AQP1: variants seen among roughly 807,000 people sequenced by gnomAD.
The protein encoded by AQP1 is aquaporin-1.
A neutral mutation model predicts 19.7 loss-of-function variants in AQP1; 11 were observed. The ratio of observed to expected loss-of-function variants is 0.56; its 90% CI spans 0.35 to 0.92. The LOEUF (loss-of-function observed/expected upper bound fraction) is 0.92. Ranked by LOEUF, AQP1 falls within the 40% of genes least tolerant of loss-of-function variation. The pLI is 0.01. For synonymous variants in AQP1, 159 were observed against 166.7 expected, an observed-to-expected ratio of 0.95 and a Z score of 0.36; for missense variants, 320 against 369.7, an observed-to-expected ratio of 0.87 and a Z score of 1.10.
chr7:30,912,107 T>C lies in AQP1; in HGVS notation c.198T>C (p.Ser66=), dbSNP rs1464189700. Residue 66 remains serine (S), a synonymous_variant, in exon 1 of 4, where the codon AGT becomes AGC. Coordinates refer to ENST00000311813, the MANE Select transcript of AQP1 (RefSeq NM_198098.4). The surrounding 1 kb of genome is among the most constrained non-coding windows in gnomAD (Gnocchi z 4.3). ...TGAGCATCGCCACGCTGGCGCAGAG[T>C]GTGGGCCACATCAGCGGCGCCCACC... ...FGLSIATLAQ[S]VGHISGAHLN... 6.2e-7 allele frequency: 1 copy of C among 1,613,126 alleles called. No individual in the cohort carries two copies. The highest frequency in any genetic ancestry group is 2.2e-5 in the East Asian group (1 of 44,848).
intron 1 of AQP1, chr7:30,921,179 A>G: frequency 9.1e-6 from 7 of 769,656 alleles, no homozygotes; most frequent in South Asian, 5.4e-5. Context: ...GACGGCCACA[A>G]AGCATAGTGG....
chr7:30,918,214 G>A (rs1050382984), intron 1 of AQP1, among the ~76,000 whole-genome samples: 9 of 152,096 alleles, frequency 5.9e-5, no homozygotes, highest in African/African-American at 1.4e-4. Context: ...GGATGGTCTC[G>A]ATCTCCTGAC....
intron 1 of AQP1, among the ~76,000 whole-genome samples, chr7:30,920,921 G>C (rs547832147): frequency 4.7e-4 from 71 of 152,328 alleles, no homozygotes; most frequent in African/African-American, 1.7e-3. Flanking sequence ...ATGGCCTCAG[G>C]GTGGGGCTGG....
Position 30,922,357 on chromosome 7 carries a change from A to G in AQP1, c.549+127A>G, listed in dbSNP as rs1462957541. ...GCCATTGGGTGGAGGATGGCGGGTC[A>G]GCGCTGGGGGCTGGGGGCAGGGTCC... On this transcript the variant is annotated intron_variant, in intron 2 of 3. Transcript: ENST00000311813. 3.5e-6 allele frequency: 5 copies of G among 1,424,198 alleles called. No homozygotes were observed. The East Asian group carries it at 1.2e-4, about 35-fold the overall frequency. 88.2% of individuals were successfully genotyped at this position (1,424,198 alleles called of 1,614,324 possible).
In AQP1 at chr7:30,912,174, A is replaced by T; in HGVS notation, c.265A>T (p.Ile89Phe). 6.2e-7 allele frequency: 1 copy of T among 1,612,840 alleles called. No homozygotes were observed. The change falls in exon 1 of 4, where the codon ATC (isoleucine) becomes TTC (phenylalanine). Residue 89 changes from isoleucine (I) to phenylalanine (F), a missense_variant. Ile to Phe is a conservative substitution (Grantham distance 21, BLOSUM62 0). Coordinates refer to ENST00000311813, the MANE Select transcript of AQP1 (RefSeq NM_198098.4). This position sits in a 1 kb window ranked among gnomAD's most constrained non-coding sequence, Gnocchi z 4.3. ...VTLGLLLSCQ[I>F]SIFRALMYII... ...ACTGGGGCTGCTGCTCAGCTGCCAGATCAGCATCTTCCGTGCCCTCATGTA... is the reference window on the plus strand; with the variant it reads ...ACTGGGGCTGCTGCTCAGCTGCCAGTTCAGCATCTTCCGTGCCCTCATGTA...
chr7:30,916,430 T>C (rs1307299633), intron 1 of AQP1, among the ~76,000 whole-genome samples: 1 of 152,264 alleles, frequency 6.6e-6, no homozygotes, highest in Non-Finnish European at 1.5e-5. Flanking sequence ...TGGAGTCTCC[T>C]GAGTGGCTGG....
intron 1 of AQP1, chr7:30,913,479 G>A (rs931668076): frequency 6.6e-6 from 1 of 152,530 alleles, no homozygotes; most frequent in African/African-American, 2.4e-5. Flanking sequence ...AGGCTGGCGG[G>A]GCTGTGGGCA....
At chr7:30,920,486 T>C (rs1264532342) in intron 1 of AQP1, among the ~76,000 whole-genome samples, 1 of 152,148 alleles carries the variant, frequency 6.6e-6, no homozygotes. Flanking sequence ...GCACACACAA[T>C]GAGAAGAACC....
chr7:30,922,714 G>A, intron 3 of AQP1, 70 bp downstream of exon 3: 1 of 1,444,448 alleles, frequency 6.9e-7, no homozygotes, highest in African/African-American at 1.4e-5. Context: ...CACCCTCACA[G>A]TGTCCCTTCC....
intron 2 of AQP1, 57 bp from the exon 3 acceptor site, chr7:30,922,507 C>A: frequency 6.6e-7 from 1 of 1,523,478 alleles, no homozygotes; most frequent in South Asian, 1.1e-5. Context: ...TCCTCTCACT[C>A]TCTCTTCACC....
rs1181396501 is a variant in AQP1, at chr7:30,924,460, G to A, written c.*831G>A. On this transcript the variant is annotated 3_prime_UTR_variant, in exon 4 of 4. Transcript: ENST00000311813. The stretch of plus-strand genomic sequence containing the variant: ...GGAACTTTCTGTTCCCTATGGAGAG[G>A]CTTCCCTACACAGGGCCTGCTATTG... 6.5e-6 allele frequency: 1 copy of A among 152,852 alleles called. No individual in the cohort carries two copies. Among genetic ancestry groups the A allele is most frequent in the Non-Finnish European group, 1.5e-5 (1 of 68,544 alleles). The allele number at this position is 152,852 out of a possible 1,614,324, so 9.5% of individuals were successfully genotyped here. A position where few individuals can be genotyped will look rare whatever the true frequency, so the allele number is the denominator to read the frequency against.
At position 30,923,682 on chromosome 7, in the gene AQP1, G is replaced by A; in HGVS notation, c.*53G>A. 6.8e-7 allele frequency: 1 copy of A among 1,479,996 alleles called. No individual in the cohort carries two copies. The highest frequency in any genetic ancestry group is 8.9e-7 in the Non-Finnish European group (1 of 1,126,726). 91.7% of individuals were successfully genotyped at this position (1,479,996 alleles called of 1,614,324 possible). On this transcript the variant is annotated 3_prime_UTR_variant, in exon 4 of 4. Transcript: ENST00000311813. The surrounding 1 kb of genome is among the most constrained non-coding windows in gnomAD (Gnocchi z 4.8). Reference sequence around the variant, plus strand: ...GGGGGCAGGGGCAGGGGCGGGCGGAGGGAGGGGAGGGGTGAAATCCATACT... The same window carrying A: ...GGGGGCAGGGGCAGGGGCGGGCGGAAGGAGGGGAGGGGTGAAATCCATACT...
rs528591279 is a variant in AQP1 at position 30,916,803 on chromosome 7, C to T, written c.384+4510C>T. Among the ~76,000 whole-genome samples the T allele has an allele frequency of 3.9e-5, 6 of 152,216 alleles. No homozygotes were observed. The East Asian group carries it at 1.2e-3, about 29-fold the overall frequency. On this transcript the variant is annotated intron_variant, in intron 1 of 3. Coordinates refer to ENST00000311813, the MANE Select transcript of AQP1 (RefSeq NM_198098.4). ...GTTGTTGTTGATATTGTTGTTGACA[C>T]GAAGAAGGGGCTGTCTCTAAGTCAA...
chr7:30,916,428 C>T (rs1791356224), intron 1 of AQP1, among the ~76,000 whole-genome samples: 1 of 152,268 alleles, frequency 6.6e-6, no homozygotes, highest in Non-Finnish European at 1.5e-5. Context: ...TCTGGAGTCT[C>T]CTGAGTGGCT....
In AQP1 at chr7:30,923,881, G is replaced by A. The variant is rs895274159; in HGVS notation, c.*252G>A. 2.0e-6 allele frequency: 3 copies of A among 1,494,310 alleles called. No homozygotes were observed. The highest frequency in any genetic ancestry group is 2.8e-5 in the African/African-American group (2 of 72,496). The allele number at this position is 1,494,310 out of a possible 1,614,324, so 92.6% of individuals were successfully genotyped here. A position where few individuals can be genotyped will look rare whatever the true frequency, so the allele number is the denominator to read the frequency against. ...CACCCACTCCCTTGAAGTTGTGGAG[G>A]AGGTGAAAGAAAGGGACCCACCTGC... On this transcript the variant is annotated 3_prime_UTR_variant, in exon 4 of 4. Coordinates refer to ENST00000311813, the MANE Select transcript of AQP1 (RefSeq NM_198098.4). The surrounding 1 kb of genome is among the most constrained non-coding windows in gnomAD (Gnocchi z 4.8).
Position 30,923,433 on chromosome 7 carries a change from A to G in AQP1, c.631-17A>G. ...CTTTTGAGTGGAGCCCTCTGAACAC[A>G]CCTGCTCTGTTCCTAGATTTTCTGG... is the stretch of plus-strand genomic sequence containing the variant. On this transcript the variant is annotated splice_polypyrimidine_tract_variant and intron_variant, in intron 3 of 3. Transcript: ENST00000311813. This position sits in a 1 kb window ranked among gnomAD's most constrained non-coding sequence, Gnocchi z 4.8. 6.2e-7 allele frequency: 1 copy of G among 1,613,176 alleles called. No individual in the cohort carries two copies.
chr7:30,924,006 G>T lies in AQP1; in HGVS notation c.*377G>T, dbSNP rs775692647. On this transcript the variant is annotated 3_prime_UTR_variant, in exon 4 of 4. Coordinates refer to ENST00000311813, the MANE Select transcript of AQP1 (RefSeq NM_198098.4). Reference sequence around the variant, plus strand: ...CTGCGCAAGTGCCTGGGATTCTACCGTAATTGCTTTGTGCCTTTGGGCACG... The same window carrying T: ...CTGCGCAAGTGCCTGGGATTCTACCTTAATTGCTTTGTGCCTTTGGGCACG... The T allele has an allele frequency of 1.8e-5, 25 of 1,355,524 alleles. No individual in the cohort carries two copies. The highest frequency in any genetic ancestry group is 2.4e-5 in the Non-Finnish European group (25 of 1,026,054). The allele number at this position is 1,355,524 out of a possible 1,614,324, so 84.0% of individuals were successfully genotyped here.
intron 1 of AQP1, among the ~76,000 whole-genome samples, chr7:30,918,351 A>G (rs1167787533): frequency 1.3e-5 from 2 of 152,210 alleles, no homozygotes; most frequent in Non-Finnish European, 2.9e-5. Context: ...ACAATCTAAC[A>G]AAAAAGAGAA....
intron 1 of AQP1, chr7:30,921,704 A>G (rs994263324): frequency 3.9e-6 from 6 of 1,550,912 alleles, no homozygotes; most frequent in African/African-American, 2.7e-5. Flanking sequence ...CATCACCTTC[A>G]TGCCTGGGGC....
Sources: allele counts gnomAD v4.1 joint callset (sites outside exome capture counted in the v4.1 genomes callset), GRCh38; gene constraint gnomAD v4.1.1; non-coding constraint Gnocchi (gnomAD v3.1); transcripts MANE v1.5; gene names NCBI Gene and HGNC (gene_info 2026-07-23, HGNC 2026-07-21).